Variants in GABARAPL2 observed in about 807,000 individuals in gnomAD.
GABARAPL2 encodes GABA type A receptor associated protein like 2.
In GABARAPL2, 11 loss-of-function variants were observed where a neutral mutation model predicts 16.9. The observed-to-expected ratio is 0.65, with a 90% CI of 0.41 to 1.08. The LOEUF is 1.08. Among genes scored for constraint, GABARAPL2 ranks in the 50% least tolerant of loss-of-function variants. The pLI is 0.00. For missense variants in GABARAPL2, 134 were observed against 142.5 expected (o/e 0.94, Z 0.30); for synonymous variants, 57 against 50.7 (o/e 1.12, Z -0.53).
At chr16:75,571,040 G>A (rs558719292) in intron 3 of GABARAPL2, among the ~76,000 whole-genome samples, 6 of 152,164 alleles carry the variant, frequency 3.9e-5, no homozygotes, top group Non-Finnish European at 8.8e-5. Flanking sequence ...GTTTAAAATA[G>A]AAACAGGAGT....
chr16:75,570,413 A>T (rs150660228), intron 3 of GABARAPL2, among the ~76,000 whole-genome samples: 25 of 152,290 alleles, frequency 1.6e-4, no homozygotes, highest in African/African-American at 5.8e-4. Context: ...TCCCCAAGAC[A>T]ATTTAGCAGC....
rs772792179 is a variant in GABARAPL2, at chr16:75,568,215, A to G, written c.263+6A>G. The G allele has an allele frequency of 1.6e-5, 25 of 1,584,310 alleles. No homozygotes were observed. Among genetic ancestry groups the G allele is most frequent in the Middle Eastern group, 3.3e-4 (2 of 5,972 alleles). ...AAGACAGTCCCACAGTCCAGGTGAG[A>G]GGTGTTTACTAGATGGGCCCTCTGG... On this transcript the variant is annotated splice_donor_region_variant and intron_variant, in intron 3 of 3. Transcript: ENST00000037243.
chr16:75,571,754 G>T lies in GABARAPL2; in HGVS notation c.263+3545G>T, dbSNP rs1369903392. On this transcript the variant is annotated intron_variant, in intron 3 of 3. Coordinates refer to ENST00000037243, the MANE Select transcript of GABARAPL2 (RefSeq NM_007285.7). ...GGCAGTGGCGCGATCTCAGCTCACTGCAACCTCTGCCTCCCAGCTTCAAGC... is the reference window on the plus strand; with the variant it reads ...GGCAGTGGCGCGATCTCAGCTCACTTCAACCTCTGCCTCCCAGCTTCAAGC... 2.7e-5 allele frequency among the ~76,000 whole-genome samples: 4 copies of T among 150,524 alleles called. No homozygotes were observed. The East Asian group carries it at 8.1e-4, about 30-fold the overall frequency.
chr16:75,569,912 C>G (rs1344647571), intron 3 of GABARAPL2, among the ~76,000 whole-genome samples: 4 of 152,112 alleles, frequency 2.6e-5, no homozygotes, highest in African/African-American at 7.2e-5. Flanking sequence ...AACCCTAAAG[C>G]AGATTACACT....
In GABARAPL2 at chr16:75,566,900, G is replaced by C. The variant is rs2080887135; in HGVS notation, c.83G>C (p.Arg28Thr). 9.3e-6 allele frequency: 15 copies of C among 1,613,172 alleles called. No individual in the cohort carries two copies. The highest frequency in any genetic ancestry group is 1.3e-5 in the Non-Finnish European group (15 of 1,179,426). Reference protein sequence around the residue: ...SAKIRAKYPDRVPVIVEKVSG... With the variant: ...SAKIRAKYPDTVPVIVEKVSG... ...AAGATTCGAGCGAAATATCCCGACA[G>C]GGTTCCGGTGAGTGGACTCTCCGCC... Residue 28 changes from arginine to threonine, a missense_variant, in exon 2 of 4, where the codon AGG becomes ACG. By Grantham distance (71) the Arg-to-Thr change is moderately conservative. Transcript: ENST00000037243.
chr16:75,576,380 C>G (rs1212749392), intron 3 of GABARAPL2: 1 of 152,224 alleles, frequency 6.6e-6, no homozygotes, highest in Non-Finnish European at 1.5e-5. Flanking sequence ...AGGTTGAGGC[C>G]TTGGACTCCT....
intron 2 of GABARAPL2, among the ~76,000 whole-genome samples, chr16:75,567,314 G>T (rs1174679914): frequency 2.0e-5 from 3 of 152,148 alleles, no homozygotes; most frequent in African/African-American, 7.2e-5. Flanking sequence ...CTAACTTCTA[G>T]CTCCGTTATC....
At chr16:75,568,397 G>T in intron 3 of GABARAPL2, 188 bp downstream of exon 3, 1 of 444,732 alleles carries the variant, frequency 2.2e-6, no homozygotes, top group South Asian at 5.2e-5. Flanking sequence ...TTTGGATTCA[G>T]AAAATAGAAC....
intron 2 of GABARAPL2, 54 bp downstream of exon 2, chr16:75,566,961 C>T (rs938655371): frequency 2.2e-6 from 3 of 1,373,592 alleles, no homozygotes; most frequent in African/African-American, 1.4e-5. Flanking sequence ...GTCTGGGACC[C>T]GTGATAGGCC....
At chr16:75,576,262 A>G (rs1367622482) in intron 3 of GABARAPL2, 1 of 152,128 alleles carries the variant, frequency 6.6e-6, no homozygotes, top group Non-Finnish European at 1.5e-5. Flanking sequence ...ACAGGAAAAA[A>G]ACTCAAAACC....
chr16:75,575,759 T>C (rs79458483), intron 3 of GABARAPL2: 24,687 of 152,198 alleles, frequency 0.16, 2,136 homozygotes, highest in Middle Eastern at 0.21. Context: ...CTTACTTTTG[T>C]ATTTTTAGTA....
Position 75,568,018 on chromosome 16 carries a change from C to T in GABARAPL2, c.91-19C>T, listed in dbSNP as rs200759741. 55 of 1,587,476 alleles carry T rather than the reference C, an allele frequency of 3.5e-5. No individual in the cohort carries two copies. In the African/African-American group the frequency reaches 6.0e-4, roughly 17 times the overall value. On this transcript the variant is annotated intron_variant, in intron 2 of 3. Transcript: ENST00000037243. ...CTCGCTTTAGGAAACACAGTCCTGA[C>T]CTCTCTTTACTTTCCCAGGTGATTG...
chr16:75,568,274 C>A, intron 3 of GABARAPL2, 65 bp downstream of exon 3: 1 of 1,216,590 alleles, frequency 8.2e-7, no homozygotes, highest in African/African-American at 1.5e-5. Flanking sequence ...TACGGAACTC[C>A]AAAACTTTGG....
chr16:75,572,401 C>G (rs2080920708), intron 3 of GABARAPL2: 1 of 152,284 alleles, frequency 6.6e-6, no homozygotes, highest in Admixed American at 6.5e-5. Context: ...ATCAGCCCAG[C>G]CAATTCATGA....
chr16:75,567,854 A>T (rs1043442359), intron 2 of GABARAPL2, among the ~76,000 whole-genome samples, 183 bp from the exon 3 acceptor site: 1 of 152,188 alleles, frequency 6.6e-6, no homozygotes, highest in African/African-American at 2.4e-5. Context: ...TTTCCCTGTA[A>T]CACATTTATA....
At chr16:75,571,821 G>A (rs2080916333) in intron 3 of GABARAPL2, among the ~76,000 whole-genome samples, 1 of 151,444 alleles carries the variant, frequency 6.6e-6, no homozygotes. Flanking sequence ...GATTACAGGC[G>A]ACTGCCACCA....
chr16:75,571,296 T>G (rs1005577722), intron 3 of GABARAPL2, among the ~76,000 whole-genome samples: 1 of 152,168 alleles, frequency 6.6e-6, no homozygotes, highest in African/African-American at 2.4e-5. Flanking sequence ...TGGCCAGATA[T>G]TATAACTGAC....
chr16:75,577,210 C>T, intron 3 of GABARAPL2, 69 bp from the exon 4 acceptor site: 7 of 928,032 alleles, frequency 7.5e-6, no homozygotes, highest in Non-Finnish European at 1.3e-5. Flanking sequence ...TTCCTGTCCT[C>T]AGGCCATCCT....
chr16:75,577,100 G>A, intron 3 of GABARAPL2, 179 bp from the exon 4 acceptor site: 1 of 538,114 alleles, frequency 1.9e-6, no homozygotes, highest in South Asian at 2.4e-5. Context: ...TTTGCCTTCT[G>A]CAGACTTCAT....
Sources: allele counts gnomAD v4.1 joint callset (sites outside exome capture counted in the v4.1 genomes callset), GRCh38; gene constraint gnomAD v4.1.1; transcripts MANE v1.5; gene names NCBI Gene and HGNC (gene_info 2026-07-23, HGNC 2026-07-21).